TBL1X: variants seen among roughly 807,000 people sequenced by gnomAD.
TBL1X encodes the protein F-box-like/WD repeat-containing protein TBL1X.
Under a neutral mutation model 50.7 loss-of-function variants are expected in TBL1X, and 10 were observed. The ratio of observed to expected loss-of-function variants is 0.20; its 90% CI spans 0.12 to 0.33. The LOEUF (loss-of-function observed/expected upper bound fraction) is 0.33. Ranked by LOEUF, TBL1X falls within the 10% of genes least tolerant of loss-of-function variation. TBL1X has a pLI of 1.00. For synonymous variants in TBL1X, 190 were observed against 214.7 expected, an observed-to-expected ratio of 0.88 and a Z score of 1.01; for missense variants, 340 against 504.4, an observed-to-expected ratio of 0.67 and a Z score of 3.12.
intron 2 of TBL1X, among the ~76,000 whole-genome samples, chrX:9,532,534 G>C (rs2082167421): frequency 9.0e-6 from 1 of 111,273 alleles, no homozygotes; most frequent in Admixed American, 9.4e-5. Context: ...CACGGGCCTG[G>C]CACTGGGCCC....
chrX:9,684,805 C>G (rs1283941462), intron 6 of TBL1X, among the ~76,000 whole-genome samples: 1 of 111,829 alleles, frequency 8.9e-6, no homozygotes, highest in African/African-American at 3.3e-5. Flanking sequence ...GGCAGATCTT[C>G]AGCTGCTCTG....
At chrX:9,630,504 C>T (rs764115298) in intron 2 of TBL1X, among the ~76,000 whole-genome samples, 1 of 112,280 alleles carries the variant, frequency 8.9e-6, no homozygotes, top group African/African-American at 3.2e-5. Context: ...AACTTTAAAT[C>T]GTAGATTACT....
chrX:9,471,169 A>G (rs2081812358), intron 1 of TBL1X, among the ~76,000 whole-genome samples: 1 of 112,570 alleles, frequency 8.9e-6, no homozygotes, highest in Non-Finnish European at 1.9e-5. Flanking sequence ...ATGAATTCCT[A>G]CATCTGTGTT....
chrX:9,709,713 C>T lies in TBL1X; in HGVS notation c.1392C>T (p.Pro464=). The change falls in exon 15 of 18, where the codon CCC becomes CCT. Residue 464 remains proline (P), a synonymous_variant. Transcript: ENST00000645353. ...AGATCTACACCATCAAGTGGAGCCC[C>T]ACTGGGCCCGCCACCAGCAACCCAA... ...NKEIYTIKWS[P]TGPATSNPNS... 8.3e-7 allele frequency: 1 copy of T among 1,209,026 alleles called. No individual in the cohort carries two copies. The highest frequency in any genetic ancestry group is 1.1e-6 in the Non-Finnish European group (1 of 894,077).
chrX:9,538,830 T>C (rs1004682789), intron 2 of TBL1X, among the ~76,000 whole-genome samples: 5 of 112,490 alleles, frequency 4.4e-5, no homozygotes, highest in Admixed American at 9.4e-5. Flanking sequence ...TGGGGAAAGG[T>C]TGCATGGCCC....
In TBL1X at chrX:9,691,658, G is replaced by A. The variant is rs745774140; in HGVS notation, c.696G>A (p.Glu232=). 5 of 1,211,251 alleles carry A rather than the reference G, an allele frequency of 4.1e-6. No individual in the cohort carries two copies. The Admixed American group carries it at 1.1e-4, about 26-fold the overall frequency. ...SSKATVLRGH[E]SEVFICAWNP... ...AAGCCACAGTCCTTCGGGGCCATGA[G>A]TCTGAGGTGTTCATTTGTGCCTGGA... The change falls in exon 8 of 18, where the codon GAG becomes GAA. Residue 232 remains glutamate, a synonymous_variant. Coordinates refer to ENST00000645353, the MANE Select transcript of TBL1X (RefSeq NM_005647.4).
intron 2 of TBL1X, among the ~76,000 whole-genome samples, chrX:9,567,206 T>C (rs368309350): frequency 3.1e-4 from 35 of 111,537 alleles, no homozygotes; most frequent in African/African-American, 1.1e-3. Flanking sequence ...AAGTGTAGTT[T>C]CCATGATCTT....
intron 2 of TBL1X, among the ~76,000 whole-genome samples, chrX:9,539,086 G>A (rs1385551142): frequency 1.8e-5 from 2 of 112,409 alleles, no homozygotes; most frequent in Non-Finnish European, 1.9e-5. Flanking sequence ...TTCCCTTTGT[G>A]AATCTTTTGG....
intron 16 of TBL1X, among the ~76,000 whole-genome samples, chrX:9,713,187 C>T (rs897612821): frequency 1.4e-4 from 15 of 111,052 alleles, no homozygotes; most frequent in Admixed American, 1.3e-3. Context: ...AGAGCCAACC[C>T]GACGCCAAGC....
At chrX:9,553,072 G>A (rs922143204) in intron 2 of TBL1X, among the ~76,000 whole-genome samples, 2 of 111,817 alleles carry the variant, frequency 1.8e-5, no homozygotes, top group African/African-American at 6.5e-5. Flanking sequence ...AAGTCCAGGA[G>A]GTTTAGGCTG....
intron 2 of TBL1X, among the ~76,000 whole-genome samples, chrX:9,581,904 G>A (rs2147022140): frequency 8.9e-6 from 1 of 112,040 alleles, no homozygotes; most frequent in East Asian, 2.8e-4. Context: ...TTTTCCTTTA[G>A]ATTCCACCGA....
At chrX:9,714,849 C>G in intron 16 of TBL1X, 53 bp from the exon 17 acceptor site, 3 of 1,107,746 alleles carry the variant, frequency 2.7e-6, no homozygotes, top group Non-Finnish European at 3.7e-6. Flanking sequence ...TCCACACCTG[C>G]ATCTGTCGCA....
intron 7 of TBL1X, among the ~76,000 whole-genome samples, chrX:9,691,085 A>ATG (rs1199871462): frequency 1.8e-5 from 2 of 111,698 alleles, no homozygotes; most frequent in Non-Finnish European, 3.8e-5. Context: ...GACTGTCAAA[A>ATG]TGTAAAGAAA....
chrX:9,478,830 C>T (rs2081863555), intron 1 of TBL1X, among the ~76,000 whole-genome samples: 1 of 112,064 alleles, frequency 8.9e-6, no homozygotes, highest in Non-Finnish European at 1.9e-5. Flanking sequence ...AATTCCTTAC[C>T]AACTCTTTGG....
At chrX:9,702,467 A>G (rs980862731) in intron 12 of TBL1X, among the ~76,000 whole-genome samples, 1 of 104,605 alleles carries the variant, frequency 9.6e-6, no homozygotes, top group Non-Finnish European at 2.0e-5. Flanking sequence ...AAAACTGGGC[A>G]TGGTGGCACA....
intron 2 of TBL1X, among the ~76,000 whole-genome samples, chrX:9,504,828 A>G (rs2082018311): frequency 8.9e-6 from 1 of 111,889 alleles, no homozygotes; most frequent in Admixed American, 9.5e-5. Context: ...GACTGAACCT[A>G]CGATTGAGTG....
chrX:9,684,568 G>A (rs999187071), intron 6 of TBL1X, among the ~76,000 whole-genome samples: 1 of 88,449 alleles, frequency 1.1e-5, no homozygotes, highest in Non-Finnish European at 2.1e-5. Context: ...CTCCAGCCTG[G>A]GCAATGCAGT....
intron 5 of TBL1X, among the ~76,000 whole-genome samples, chrX:9,669,108 T>C (rs755844150): frequency 8.9e-6 from 1 of 112,144 alleles, no homozygotes; most frequent in Non-Finnish European, 1.9e-5. Flanking sequence ...TAACACTGAA[T>C]TCTTTGTGGG....
upstream of TBL1X, among the ~76,000 whole-genome samples, chrX:9,464,213 G>C (rs2081754777): frequency 1.8e-5 from 2 of 111,096 alleles, no homozygotes; most frequent in Non-Finnish European, 3.8e-5. Flanking sequence ...AGGTACACCG[G>C]GGCCAGGCCG....
Sources: allele counts gnomAD v4.1 joint callset (sites outside exome capture counted in the v4.1 genomes callset), GRCh38; gene constraint gnomAD v4.1.1; transcripts MANE v1.5; gene names NCBI Gene and HGNC (gene_info 2026-07-23, HGNC 2026-07-21).